Variants in SLC44A5 observed in about 807,000 individuals in gnomAD.
The protein encoded by SLC44A5 is solute carrier family 44 member 5, also known as choline transporter-like protein 5.
A neutral mutation model predicts 101.8 loss-of-function variants in SLC44A5; 57 were observed. The observed-to-expected ratio is 0.56, with a 90% CI of 0.45 to 0.70. SLC44A5 has a LOEUF of 0.70. Ranked by LOEUF, SLC44A5 falls within the 30% of genes least tolerant of loss-of-function variation. The probability of loss-of-function intolerance (pLI) is 0.00; values close to 1 mark genes in which losing one functional copy is unlikely to be tolerated. For missense variants in SLC44A5, 737 were observed against 853.1 expected, an observed-to-expected ratio of 0.86 and a Z score of 1.70; for synonymous variants, 281 against 290.9, an observed-to-expected ratio of 0.97 and a Z score of 0.35.
intron 6 of SLC44A5, among the ~76,000 whole-genome samples, chr1:75,260,146 T>A (rs1204817192): frequency 2.6e-5 from 4 of 152,096 alleles, no homozygotes; most frequent in Admixed American, 6.5e-5. Context: ...CCAGCTGGCA[T>A]CATAATGGCA....
chr1:75,333,302 G>C (rs960170191), intron 4 of SLC44A5, among the ~76,000 whole-genome samples: 1 of 152,032 alleles, frequency 6.6e-6, no homozygotes, highest in Admixed American at 6.6e-5. Flanking sequence ...TCTAAATCTG[G>C]CATTTACATT....
intron 2 of SLC44A5, among the ~76,000 whole-genome samples, chr1:75,402,703 G>A (rs1180157235): frequency 6.6e-6 from 1 of 152,072 alleles, no homozygotes; most frequent in African/African-American, 2.4e-5. Context: ...CAGATTAGGA[G>A]GTTCCCTCAG....
chr1:75,446,758 G>A (rs780441440), intron 2 of SLC44A5, among the ~76,000 whole-genome samples: 1 of 151,700 alleles, frequency 6.6e-6, no homozygotes, highest in Admixed American at 6.6e-5. Flanking sequence ...CTTTCTATTT[G>A]GTAAATCTGT....
At chr1:75,722,225 T>C in the SLC44A5 span, among the ~76,000 whole-genome samples, 1 of 152,212 alleles carries the variant, frequency 6.6e-6, no homozygotes, top group African/African-American at 2.4e-5. Context: ...CTCAGGCCGA[T>C]AGTACGAGTA....
chr1:75,480,923 C>CA (rs1197952572), intron 2 of SLC44A5, among the ~76,000 whole-genome samples: 1 of 152,012 alleles, frequency 6.6e-6, no homozygotes, highest in East Asian at 1.9e-4. Context: ...CATATGGAAC[C>CA]AAAAAAGAGC....
intron 2 of SLC44A5, among the ~76,000 whole-genome samples, chr1:75,487,031 A>C (rs1668187870): frequency 6.6e-6 from 1 of 152,214 alleles, no homozygotes; most frequent in African/African-American, 2.4e-5. Flanking sequence ...ACTAATGTAC[A>C]ATAATAGGGA....
At chr1:75,642,473 G>C in the SLC44A5 span, among the ~76,000 whole-genome samples, 1 of 151,948 alleles carries the variant, frequency 6.6e-6, no homozygotes, top group Middle Eastern at 3.4e-3. Context: ...TGAAGTGTTC[G>C]TCAAGATTTG....
the SLC44A5 span, among the ~76,000 whole-genome samples, chr1:75,665,697 A>C: frequency 6.6e-6 from 1 of 152,182 alleles, no homozygotes; most frequent in Non-Finnish European, 1.5e-5. Context: ...CAAACTATAC[A>C]TCCCACAAAC....
At chr1:75,639,331 TAAAAC>T in the SLC44A5 span, among the ~76,000 whole-genome samples, 7 of 152,226 alleles carry the variant, frequency 4.6e-5, no homozygotes, top group South Asian at 2.1e-4. Flanking sequence ...TCTGTCAATT[TAAAAC>T]AAAACAAAAC....
At chr1:75,705,374 T>A in the SLC44A5 span, among the ~76,000 whole-genome samples, 48 of 152,332 alleles carry the variant, frequency 3.2e-4, no homozygotes, top group African/African-American at 1.1e-3. Context: ...AAGACTCACC[T>A]ATTTCTTGAA....
At chr1:75,365,503 G>A (rs1451434449) in intron 3 of SLC44A5, among the ~76,000 whole-genome samples, 1 of 152,160 alleles carries the variant, frequency 6.6e-6, no homozygotes, top group African/African-American at 2.4e-5. Flanking sequence ...TCTAGAGACA[G>A]AAATGCCACT....
At chr1:75,615,716 C>T (rs1675849408), upstream of SLC44A5, 4 of 430,326 alleles carry the variant, frequency 9.3e-6, no homozygotes, top group Non-Finnish European at 1.2e-5. Context: ...TTCCCCCACC[C>T]CCTCCCCGGA....
chr1:75,643,821 TC>T, the SLC44A5 span, among the ~76,000 whole-genome samples: 7 of 152,376 alleles, frequency 4.6e-5, 1 homozygote, highest in African/African-American at 4.8e-5. Flanking sequence ...AAACCTCTTT[TC>T]TTTATAAATT....
intron 4 of SLC44A5, among the ~76,000 whole-genome samples, chr1:75,301,685 G>T (rs1299425828): frequency 6.6e-6 from 1 of 152,144 alleles, no homozygotes; most frequent in Non-Finnish European, 1.5e-5. Flanking sequence ...CATTGATAAA[G>T]CCTGTTATAC....
chr1:75,229,513 G>C (rs1307814936), intron 12 of SLC44A5, among the ~76,000 whole-genome samples: 1 of 152,034 alleles, frequency 6.6e-6, no homozygotes, highest in East Asian at 1.9e-4. Flanking sequence ...CCCACTGTCT[G>C]GAACTTTTCC....
At chr1:75,415,891 A>T (rs1016382649) in intron 2 of SLC44A5, among the ~76,000 whole-genome samples, 1 of 152,224 alleles carries the variant, frequency 6.6e-6, no homozygotes, top group African/African-American at 2.4e-5. Flanking sequence ...GAAGAAATTT[A>T]TAAGCAGGAA....
chr1:75,507,250 A>G (rs1290895724), intron 2 of SLC44A5, among the ~76,000 whole-genome samples: 1 of 152,042 alleles, frequency 6.6e-6, no homozygotes, highest in Non-Finnish European at 1.5e-5. Context: ...GAGAGTTTTT[A>G]TCGTGAAAGG....
intron 4 of SLC44A5, among the ~76,000 whole-genome samples, chr1:75,323,501 C>G (rs1656340499): frequency 6.6e-6 from 1 of 152,020 alleles, no homozygotes; most frequent in East Asian, 1.9e-4. Context: ...GTTCTAGATC[C>G]CTGAGGAATC....
intron 2 of SLC44A5, among the ~76,000 whole-genome samples, chr1:75,445,036 T>TTC (rs1665471389): frequency 6.6e-6 from 1 of 152,088 alleles, no homozygotes; most frequent in South Asian, 2.1e-4. Flanking sequence ...TGATGTAAAT[T>TTC]CTCTTGGTAT....
Sources: allele counts gnomAD v4.1 joint callset (sites outside exome capture counted in the v4.1 genomes callset), GRCh38; gene constraint gnomAD v4.1.1; transcripts MANE v1.5; gene names NCBI Gene and HGNC (gene_info 2026-07-23, HGNC 2026-07-21).